Variants in SEH1L observed in about 807,000 individuals in gnomAD.
The protein encoded by SEH1L is nucleoporin SEH1.
Under a neutral mutation model 49.5 loss-of-function variants are expected in SEH1L, and 18 were observed. That is an observed-to-expected ratio of 0.36 (90% confidence interval 0.25 to 0.54). The LOEUF (loss-of-function observed/expected upper bound fraction) is 0.54. Ranked by LOEUF, SEH1L falls within the 20% of genes least tolerant of loss-of-function variation. SEH1L has a pLI of 0.87. For synonymous variants in SEH1L, 169 were observed against 178.1 expected, an observed-to-expected ratio of 0.95 and a Z score of 0.41; for missense variants, 404 against 528.8, an observed-to-expected ratio of 0.76 and a Z score of 2.31.
intron 1 of SEH1L, among the ~76,000 whole-genome samples, chr18:12,951,268 G>A (rs966223948): frequency 2.0e-5 from 3 of 152,272 alleles, no homozygotes; most frequent in Middle Eastern, 3.4e-3. Context: ...CTTTCTGTTG[G>A]TGATTTTGCT....
Position 12,971,263 on chromosome 18 carries a change from T to G in SEH1L, c.620+12T>G. 1.3e-6 allele frequency: 2 copies of G among 1,553,206 alleles called. No homozygotes were observed. Among genetic ancestry groups the G allele is most frequent in the Non-Finnish European group, 1.8e-6 (2 of 1,128,532 alleles). On this transcript the variant is annotated intron_variant, in intron 5 of 8. Coordinates refer to ENST00000399892, the MANE Select transcript of SEH1L (RefSeq NM_001013437.2). ...AATGAAAACACCAGGTCAGTCCTGC[T>G]TTGGTTTTAATAATTGTTCAGAATT...
intron 3 of SEH1L, among the ~76,000 whole-genome samples, chr18:12,957,726 C>G (rs2030956682): frequency 6.6e-6 from 1 of 152,114 alleles, no homozygotes; most frequent in African/African-American, 2.4e-5. Context: ...GTGGGAGTGT[C>G]CTGCTATTAC....
intron 2 of SEH1L, among the ~76,000 whole-genome samples, chr18:12,954,437 A>G (rs1389447513): frequency 6.6e-6 from 1 of 152,308 alleles, no homozygotes; most frequent in South Asian, 2.1e-4. Flanking sequence ...TTCTATGGCT[A>G]TAATCTCTAT....
intron 6 of SEH1L, among the ~76,000 whole-genome samples, chr18:12,980,557 G>C (rs1598978434): frequency 8.9e-6 from 1 of 111,914 alleles, no homozygotes; most frequent in Admixed American, 8.3e-5. Context: ...GCGGCTGGCC[G>C]GGCGGGGGGC....
At chr18:12,978,978 T>C in intron 6 of SEH1L, 86 bp downstream of exon 6, 2 of 1,258,898 alleles carry the variant, frequency 1.6e-6, no homozygotes, top group East Asian at 2.3e-5. Context: ...GAGGTAACTA[T>C]GATTTGGTTT....
At chr18:12,972,977 G>C (rs2031766667) in intron 5 of SEH1L, 1 of 152,156 alleles carries the variant, frequency 6.6e-6, no homozygotes, top group Non-Finnish European at 1.5e-5. Flanking sequence ...AGGCTGAGGT[G>C]GGTGGATCAC....
chr18:12,982,767 G>T, intron 7 of SEH1L, 92 bp downstream of exon 7: 19 of 991,404 alleles, frequency 1.9e-5, no homozygotes, highest in South Asian at 6.0e-5. Flanking sequence ...TTTTGAAAAT[G>T]GTCTTTTACA....
intron 1 of SEH1L, 31 bp downstream of exon 1, chr18:12,948,263 C>A (rs936271138): frequency 1.3e-6 from 2 of 1,542,360 alleles, no homozygotes; most frequent in Admixed American, 1.7e-5. Flanking sequence ...CGGGGCCGAC[C>A]CCGGAAGGAA....
At chr18:12,949,444 T>TTTTTTG (rs2030361017) in intron 1 of SEH1L, among the ~76,000 whole-genome samples, 3 of 84,486 alleles carry the variant, frequency 3.6e-5, no homozygotes, top group African/African-American at 2.8e-4. Flanking sequence ...CGTTAACCGT[T>TTTTTTG]TTTTTTTTTT....
At chr18:12,949,894 C>A (rs1192525080) in intron 1 of SEH1L, among the ~76,000 whole-genome samples, 2 of 152,172 alleles carry the variant, frequency 1.3e-5, no homozygotes, top group Non-Finnish European at 2.9e-5. Context: ...CCTGTTCCGC[C>A]ACCCCATCCT....
intron 4 of SEH1L, among the ~76,000 whole-genome samples, chr18:12,968,584 C>T (rs1056266775): frequency 4.6e-5 from 7 of 152,092 alleles, no homozygotes; most frequent in South Asian, 2.1e-4. Flanking sequence ...GATGGTGATA[C>T]GGACTCTTTT....
At chr18:12,968,489 A>G (rs1049833810) in intron 4 of SEH1L, among the ~76,000 whole-genome samples, 19 of 152,088 alleles carry the variant, frequency 1.2e-4, no homozygotes, top group Admixed American at 1.0e-3. Context: ...TTTTTGACCA[A>G]ATCACTCCAT....
At chr18:12,963,717 T>A (rs1366216650) in intron 4 of SEH1L, among the ~76,000 whole-genome samples, 1 of 152,226 alleles carries the variant, frequency 6.6e-6, no homozygotes, top group Admixed American at 6.5e-5. Context: ...GATTGATTGA[T>A]TGATTGGTTG....
intron 4 of SEH1L, among the ~76,000 whole-genome samples, chr18:12,970,574 C>T (rs551318831): frequency 2.0e-5 from 3 of 152,328 alleles, no homozygotes; most frequent in African/African-American, 7.2e-5. Context: ...CACATGCCAC[C>T]ACACCAGGCT....
At chr18:12,958,531 C>T (rs147852860) in intron 3 of SEH1L, among the ~76,000 whole-genome samples, 42 of 152,286 alleles carry the variant, frequency 2.8e-4, no homozygotes, top group African/African-American at 1.0e-3. Flanking sequence ...CCCCTTCCTC[C>T]TCCCTCTACC....
chr18:12,964,784 C>T (rs1022423895), intron 4 of SEH1L, among the ~76,000 whole-genome samples: 5 of 149,982 alleles, frequency 3.3e-5, no homozygotes, highest in Admixed American at 6.7e-5. Context: ...CACAGGTGCC[C>T]GCCACCACAT....
intron 1 of SEH1L, among the ~76,000 whole-genome samples, chr18:12,949,456 T>TG (rs1265646166): frequency 5.5e-4 from 68 of 122,722 alleles, no homozygotes; most frequent in Non-Finnish European, 9.4e-4. Flanking sequence ...TTTTTTTTTT[T>TG]TTTTTTTTTT....
At chr18:12,966,085 A>AT (rs1168665678) in intron 4 of SEH1L, among the ~76,000 whole-genome samples, 2 of 140,956 alleles carry the variant, frequency 1.4e-5, no homozygotes, top group African/African-American at 5.3e-5. Context: ...TTTTATTTTT[A>AT]TTTTTATGGT....
At chr18:12,980,059 G>A (rs1192796726) in intron 6 of SEH1L, among the ~76,000 whole-genome samples, 2 of 106,690 alleles carry the variant, frequency 1.9e-5, no homozygotes, top group Non-Finnish European at 1.8e-5. Context: ...CCTCCTGGAC[G>A]GGGCGGCTGG....
Sources: allele counts gnomAD v4.1 joint callset (sites outside exome capture counted in the v4.1 genomes callset), GRCh38; gene constraint gnomAD v4.1.1; transcripts MANE v1.5; gene names NCBI Gene and HGNC (gene_info 2026-07-23, HGNC 2026-07-21).